The following DNAH11 variants were observed in gnomAD, a reference collection of about 807,000 sequenced individuals.
DNAH11 encodes axonemal beta dynein heavy chain 11.
A neutral mutation model predicts 526.0 loss-of-function variants in DNAH11; 442 were observed. The ratio of observed to expected loss-of-function variants is 0.84; its 90% CI spans 0.78 to 0.91. DNAH11 has a LOEUF of 0.91. Ranked by LOEUF, DNAH11 falls within the 40% of genes least tolerant of loss-of-function variation. The pLI is 0.00. For synonymous variants in DNAH11, 2,461 were observed against 1,935.9 expected, an observed-to-expected ratio of 1.27 and a Z score of -7.12; for missense variants, 6,989 against 5,448.7, an observed-to-expected ratio of 1.28 and a Z score of -8.90.
chr7:21,800,126 G>T (rs1788903927), intron 61 of DNAH11, among the ~76,000 whole-genome samples: 1 of 152,216 alleles, frequency 6.6e-6, no homozygotes, highest in African/African-American at 2.4e-5. Flanking sequence ...TTCTCTTGGA[G>T]TCTCTAGGGC....
At chr7:21,687,057 C>A in intron 32 of DNAH11, 42 bp from the exon 33 acceptor site, 2 of 1,555,974 alleles carry the variant, frequency 1.3e-6, no homozygotes, top group Non-Finnish European at 8.7e-7. Flanking sequence ...TTATGAAAAT[C>A]TCATATTAGA....
chr7:21,880,609 T>C, intron 74 of DNAH11, 93 bp from the exon 75 acceptor site: 1 of 1,380,350 alleles, frequency 7.2e-7, no homozygotes, highest in South Asian at 1.3e-5. Flanking sequence ...TATCTCACTC[T>C]CAAAGTTCTT....
At chr7:21,545,777 C>G (rs1354631347) in intron 2 of DNAH11, among the ~76,000 whole-genome samples, 1 of 152,056 alleles carries the variant, frequency 6.6e-6, no homozygotes, top group Non-Finnish European at 1.5e-5. Context: ...AGAGTGGAGC[C>G]CGAGGTTCTG....
intron 57 of DNAH11, among the ~76,000 whole-genome samples, chr7:21,781,394 A>G (rs925489770): frequency 1.3e-5 from 2 of 152,222 alleles, no homozygotes; most frequent in East Asian, 1.9e-4. Context: ...CATTGCCAGC[A>G]GTGACTTCCA....
chr7:21,663,896 AG>A (rs763286797), intron 30 of DNAH11, among the ~76,000 whole-genome samples: 74 of 152,134 alleles, frequency 4.9e-4, no homozygotes, highest in Middle Eastern at 3.4e-3. Flanking sequence ...GAAGAGATAC[AG>A]GTGTCTCTTC....
chr7:21,861,252 T>C (rs1312738902), intron 68 of DNAH11, among the ~76,000 whole-genome samples: 4 of 152,242 alleles, frequency 2.6e-5, no homozygotes, highest in South Asian at 2.1e-4. Context: ...GCTTTTCTTG[T>C]TCCTCTTTGG....
At position 21,901,386 on chromosome 7, in the gene DNAH11, C is replaced by T; in HGVS notation, c.*132C>T. 1.6e-6 allele frequency: 2 copies of T among 1,273,292 alleles called. No homozygotes were observed. The highest frequency in any genetic ancestry group is 2.0e-6 in the Non-Finnish European group (2 of 983,156). The allele number at this position is 1,273,292 out of a possible 1,614,324, so 78.9% of individuals were successfully genotyped here. On this transcript the variant is annotated 3_prime_UTR_variant, in exon 82 of 82. Coordinates refer to ENST00000409508, the MANE Select transcript of DNAH11 (RefSeq NM_001277115.2). ...CGTGCATTCTTTTTTCAACGCTATC[C>T]TTAGAGTGAAAGTCAGAAAAAAATA...
At chr7:21,780,226 G>A (rs1442573640) in intron 57 of DNAH11, among the ~76,000 whole-genome samples, 1 of 152,110 alleles carries the variant, frequency 6.6e-6, no homozygotes, top group Non-Finnish European at 1.5e-5. Context: ...TGTTTCTGTT[G>A]AGTTTCAGAT....
intron 43 of DNAH11, among the ~76,000 whole-genome samples, chr7:21,720,141 C>G (rs1182904817): frequency 6.6e-6 from 1 of 152,218 alleles, no homozygotes; most frequent in African/African-American, 2.4e-5. Flanking sequence ...GTCCAAAAAA[C>G]TGCCACAGGC....
chr7:21,556,029 TC>T (rs1323541105), intron 2 of DNAH11, among the ~76,000 whole-genome samples: 1 of 152,152 alleles, frequency 6.6e-6, no homozygotes, highest in Non-Finnish European at 1.5e-5. Flanking sequence ...CTACAGCAGG[TC>T]ATTTATCTCC....
chr7:21,601,735 A>AT (rs1785100995), intron 18 of DNAH11, 117 bp downstream of exon 18: 2 of 697,336 alleles, frequency 2.9e-6, no homozygotes, highest in South Asian at 6.6e-5. Context: ...TACACATTTG[A>AT]TGTTTTCAAT....
chr7:21,590,590 A>G (rs1784635930), intron 12 of DNAH11, among the ~76,000 whole-genome samples: 1 of 152,216 alleles, frequency 6.6e-6, no homozygotes, highest in Non-Finnish European at 1.5e-5. Context: ...TACAGAGAAT[A>G]GTTGACTTTA....
chr7:21,675,326 A>G (rs1366065086), intron 30 of DNAH11, among the ~76,000 whole-genome samples: 1 of 152,154 alleles, frequency 6.6e-6, no homozygotes, highest in African/African-American at 2.4e-5. Context: ...CACCCGATCC[A>G]TTCAGGGCCT....
intron 14 of DNAH11, among the ~76,000 whole-genome samples, chr7:21,593,477 T>C (rs1263035571): frequency 6.6e-6 from 1 of 152,196 alleles, no homozygotes; most frequent in Non-Finnish European, 1.5e-5. Context: ...GGGAGGGTTT[T>C]ATTTTTAATA....
At chr7:21,582,608 G>GT (rs1784350821) in intron 9 of DNAH11, among the ~76,000 whole-genome samples, 1 of 152,098 alleles carries the variant, frequency 6.6e-6, no homozygotes, top group African/African-American at 2.4e-5. Flanking sequence ...ATGAAATACA[G>GT]TTAAGAGTTA....
chr7:21,566,492 T>C (rs1352620539), intron 6 of DNAH11, among the ~76,000 whole-genome samples: 5 of 152,134 alleles, frequency 3.3e-5, no homozygotes, highest in African/African-American at 1.2e-4. Flanking sequence ...ACAAATATTA[T>C]ATAGTACTTA....
At chr7:21,647,486 G>A (rs1025851820) in intron 28 of DNAH11, among the ~76,000 whole-genome samples, 8 of 137,386 alleles carry the variant, frequency 5.8e-5, no homozygotes, top group Non-Finnish European at 1.1e-4. Context: ...CTGGAGTGTA[G>A]TGGCCTGATC....
intron 53 of DNAH11, 122 bp from the exon 54 acceptor site, chr7:21,750,100 A>C: frequency 1.5e-6 from 2 of 1,309,550 alleles, no homozygotes; most frequent in Non-Finnish European, 2.1e-6. Flanking sequence ...GACGTTTCTG[A>C]TTTTAAACTC....
At chr7:21,591,086 T>C in intron 13 of DNAH11, 64 bp downstream of exon 13, 1 of 1,376,452 alleles carries the variant, frequency 7.3e-7, no homozygotes, top group Non-Finnish European at 9.5e-7. Flanking sequence ...TTTTGAATTT[T>C]AATTATTATA....
Sources: gnomAD v4.1 joint callset for allele counts (sites outside exome capture counted in the v4.1 genomes callset) on GRCh38, gnomAD v4.1.1 for gene constraint, MANE v1.5 for transcripts, NCBI Gene and HGNC (gene_info 2026-07-23, HGNC 2026-07-21) for gene names.